The following CIMAP2 variants were observed in gnomAD, a reference collection of about 807,000 sequenced individuals.
The protein encoded by CIMAP2 is ciliary microtubule-associated protein 2.
chr1:54,818,144 G>A, the CIMAP2 span, among the ~76,000 whole-genome samples: 1 of 152,268 alleles, frequency 6.6e-6, no homozygotes, highest in South Asian at 2.1e-4. Flanking sequence ...GAAGCTTTCA[G>A]GATCTTCTCT....
the CIMAP2 span, among the ~76,000 whole-genome samples, chr1:54,840,227 T>C: frequency 6.6e-6 from 1 of 152,246 alleles, no homozygotes; most frequent in Non-Finnish European, 1.5e-5. Context: ...ATAAGTGGAA[T>C]CATCTGTATG....
chr1:54,807,953 C>A, the CIMAP2 span: 2 of 1,608,986 alleles, frequency 1.2e-6, no homozygotes, highest in Non-Finnish European at 8.5e-7. Context: ...CGGGAGAAAC[C>A]ATGTAGCACC....
the CIMAP2 span, among the ~76,000 whole-genome samples, chr1:54,832,156 T>G: frequency 1.3e-5 from 2 of 152,212 alleles, no homozygotes; most frequent in African/African-American, 4.8e-5. Context: ...AACTATGAAC[T>G]TTTACACACC....
the CIMAP2 span, among the ~76,000 whole-genome samples, chr1:54,825,600 T>C: frequency 6.6e-5 from 10 of 151,932 alleles, no homozygotes; most frequent in African/African-American, 1.5e-4. Flanking sequence ...GTGGGCTGGG[T>C]ATGTCAGTCC....
the CIMAP2 span, chr1:54,811,767 C>CGGGGGGGAGGGGG: frequency 9.2e-7 from 1 of 1,088,170 alleles, no homozygotes; most frequent in Non-Finnish European, 1.4e-6. Flanking sequence ...TTCTGACAGC[C>CGGGGGGGAGGGGG]TCCATGCCCC....
chr1:54,833,650 T>C, the CIMAP2 span, among the ~76,000 whole-genome samples: 17 of 152,118 alleles, frequency 1.1e-4, no homozygotes, highest in East Asian at 1.9e-4. Context: ...ATAAATGTGG[T>C]TGACTGATGA....
At chr1:54,816,639 T>C in the CIMAP2 span, among the ~76,000 whole-genome samples, 1 of 152,158 alleles carries the variant, frequency 6.6e-6, no homozygotes, top group Non-Finnish European at 1.5e-5. Flanking sequence ...TGGCCAGCAA[T>C]CCTTGATGTT....
At chr1:54,825,407 C>T in the CIMAP2 span, among the ~76,000 whole-genome samples, 7 of 151,962 alleles carry the variant, frequency 4.6e-5, no homozygotes, top group Non-Finnish European at 1.0e-4. Context: ...GGTACTTTGG[C>T]TTTGATTCTG....
chr1:54,812,291 C>G, the CIMAP2 span: 1 of 1,486,084 alleles, frequency 6.7e-7, no homozygotes, highest in Admixed American at 1.9e-5. Flanking sequence ...AGGCTCTGCA[C>G]CGGGCCTTTC....
chr1:54,806,980 C>T, the CIMAP2 span: 3 of 1,608,850 alleles, frequency 1.9e-6, no homozygotes, highest in East Asian at 6.7e-5. Flanking sequence ...CTCACTGGGC[C>T]ACCGTCCCTC....
At chr1:54,811,104 A>T in the CIMAP2 span, among the ~76,000 whole-genome samples, 2 of 152,200 alleles carry the variant, frequency 1.3e-5, no homozygotes, top group Non-Finnish European at 2.9e-5. Flanking sequence ...GGAAGACAGT[A>T]TTCCTATCCC....
At chr1:54,829,775 C>CA in the CIMAP2 span, among the ~76,000 whole-genome samples, 1 of 152,152 alleles carries the variant, frequency 6.6e-6, no homozygotes, top group African/African-American at 2.4e-5. Flanking sequence ...AGTGCTTTCT[C>CA]ATCTTTCGAA....
chr1:54,808,033 G>T, the CIMAP2 span: 1 of 1,521,090 alleles, frequency 6.6e-7, no homozygotes, highest in African/African-American at 1.4e-5. Flanking sequence ...CATGTCTGGA[G>T]TCCCAAGCAG....
the CIMAP2 span, chr1:54,814,960 A>G: frequency 6.2e-7 from 1 of 1,614,184 alleles, no homozygotes; most frequent in Admixed American, 1.7e-5. Context: ...AAGAAATGCA[A>G]ACCCGTCAAC....
chr1:54,817,524 A>G, the CIMAP2 span, among the ~76,000 whole-genome samples: 1 of 152,152 alleles, frequency 6.6e-6, no homozygotes, highest in South Asian at 2.1e-4. Flanking sequence ...TGGTGTTCAT[A>G]ATGGGGTTGG....
the CIMAP2 span, among the ~76,000 whole-genome samples, chr1:54,821,752 A>AACTTT: frequency 6.6e-6 from 1 of 152,114 alleles, no homozygotes; most frequent in Non-Finnish European, 1.5e-5. Flanking sequence ...GTATTCTGAC[A>AACTTT]ACTTTACTGA....
the CIMAP2 span, among the ~76,000 whole-genome samples, chr1:54,824,272 C>A: frequency 4.6e-5 from 7 of 152,334 alleles, no homozygotes; most frequent in African/African-American, 1.7e-4. Context: ...GAGCAGTCCT[C>A]CTGCCTCGGC....
At chr1:54,824,391 A>G in the CIMAP2 span, among the ~76,000 whole-genome samples, 1 of 124,280 alleles carries the variant, frequency 8.0e-6, no homozygotes, top group African/African-American at 3.5e-5. Flanking sequence ...AATTGTATCT[A>G]TTTGGGGGTT....
chr1:54,818,035 AAGGCCTTTCAT>A, the CIMAP2 span, among the ~76,000 whole-genome samples: 5 of 152,362 alleles, frequency 3.3e-5, no homozygotes, highest in African/African-American at 1.2e-4. Context: ...CTGAATTTTG[AAGGCCTTTCAT>A]AGCCTCCTAG....
Sources: gnomAD v4.1 joint callset for allele counts (sites outside exome capture counted in the v4.1 genomes callset) on GRCh38, gnomAD v4.1.1 for gene constraint, MANE v1.5 for transcripts, NCBI Gene and HGNC (gene_info 2026-07-23, HGNC 2026-07-21) for gene names.